The following POLE4 variants were observed in gnomAD, a reference collection of about 807,000 sequenced individuals.
POLE4 encodes DNA polymerase epsilon subunit 4.
A neutral mutation model predicts 15.6 loss-of-function variants in POLE4; 15 were observed. The ratio of observed to expected loss-of-function variants is 0.96; its 90% CI spans 0.64 to 1.48. POLE4 has a LOEUF of 1.48. POLE4 is among the 40% of genes most tolerant of loss of function. POLE4 has a pLI of 0.00. For missense variants in POLE4, 205 were observed against 151.9 expected (o/e 1.35, Z -1.84); for synonymous variants, 83 against 63.2 (o/e 1.31, Z -1.49).
At chr2:74,967,323 G>GTT (rs951281326) in intron 3 of POLE4, among the ~76,000 whole-genome samples, 1 of 130,188 alleles carries the variant, frequency 7.7e-6, no homozygotes, top group Non-Finnish European at 1.7e-5. Context: ...TATTTTTTTT[G>GTT]TTTTTTTTTT....
chr2:74,963,447 A>C, intron 3 of POLE4, among the ~76,000 whole-genome samples: 1 of 150,364 alleles, frequency 6.7e-6, no homozygotes, highest in East Asian at 1.9e-4. Flanking sequence ...TCTGTTAGCT[A>C]TTTTTGTCCT....
intron 2 of POLE4, 111 bp from the exon 3 acceptor site, chr2:74,959,994 A>C (rs1671192343): frequency 1.2e-6 from 1 of 807,628 alleles, no homozygotes; most frequent in Non-Finnish European, 2.1e-6. Context: ...GCATCTTATA[A>C]ATGCCCTCAT....
rs1192560502 is a variant in POLE4 at position 74,970,064 on chromosome 2, G to T, written c.*642G>T. The T allele has an allele frequency of 4.6e-5, 7 of 152,222 alleles. No homozygotes were observed. Among genetic ancestry groups the T allele is most frequent in the Non-Finnish European group, 7.4e-5 (5 of 68,026 alleles). The allele number at this position is 152,222 out of a possible 1,614,324, so 9.4% of individuals were successfully genotyped here. Reference sequence around the variant, plus strand: ...TGGTATTTAGTATATTCACAAATATGTACACCAGTCATCACAGTCGATTTT... The same window carrying T: ...TGGTATTTAGTATATTCACAAATATTTACACCAGTCATCACAGTCGATTTT... On this transcript the variant is annotated 3_prime_UTR_variant, in exon 4 of 4. Coordinates refer to ENST00000483063, the MANE Select transcript of POLE4 (RefSeq NM_019896.4).
At chr2:74,969,061 A>G (rs1230578962) in intron 3 of POLE4, among the ~76,000 whole-genome samples, 1 of 152,192 alleles carries the variant, frequency 6.6e-6, no homozygotes, top group Non-Finnish European at 1.5e-5. Flanking sequence ...GAAACTTTCT[A>G]AAAAGATTAT....
At chr2:74,960,929 A>G (rs1285634549) in intron 3 of POLE4, 1 of 235,934 alleles carries the variant, frequency 4.2e-6, no homozygotes, top group African/African-American at 2.2e-5. Flanking sequence ...ACAGTTGCCT[A>G]CAGTATTCAG....
chr2:74,968,910 C>G (rs1671328263), intron 3 of POLE4, among the ~76,000 whole-genome samples: 1 of 151,942 alleles, frequency 6.6e-6, no homozygotes, highest in South Asian at 2.1e-4. Context: ...TTCTGTTACT[C>G]AGTTTTTTGT....
rs1043969759 is a variant in POLE4, at chr2:74,958,708, G to A, written c.29G>A (p.Gly10Glu). MAAAAAAGSGTPREEEGPAG... is the reference protein window; with the variant it reads MAAAAAAGSETPREEEGPAG... ...GCGGCGGCGGCGGCGGCAGGAAGCG[G>A]GACGCCCCGAGAGGAGGAGGGACCT... Residue 10 changes from glycine to glutamate, a missense_variant, in exon 1 of 4, where the codon GGG (glycine) becomes GAG (glutamate). Physicochemically the swap from Gly to Glu is moderately conservative, Grantham distance 98. Coordinates refer to ENST00000483063, the MANE Select transcript of POLE4 (RefSeq NM_019896.4). The A allele has an allele frequency of 5.4e-6, 8 of 1,482,580 alleles. No homozygotes were observed. In the Admixed American group the frequency reaches 8.3e-5, roughly 15 times the overall value. 91.8% of individuals were successfully genotyped at this position (1,482,580 alleles called of 1,614,324 possible).
intron 3 of POLE4, among the ~76,000 whole-genome samples, chr2:74,968,977 C>T (rs893723964): frequency 6.6e-6 from 1 of 152,004 alleles, no homozygotes; most frequent in Non-Finnish European, 1.5e-5. Context: ...ACTTTTTAAA[C>T]TTTTTTACCT....
At chr2:74,968,179 C>G (rs576876029) in intron 3 of POLE4, among the ~76,000 whole-genome samples, 1 of 152,078 alleles carries the variant, frequency 6.6e-6, no homozygotes, top group Non-Finnish European at 1.5e-5. Context: ...ATTTCCTTTT[C>G]TTATATATTT....
Position 74,970,065 on chromosome 2 carries a change from T to C in POLE4, c.*643T>C, listed in dbSNP as rs1671350467. The C allele has an allele frequency of 6.6e-6, 1 of 152,260 alleles. No individual in the cohort carries two copies. The highest frequency in any genetic ancestry group is 2.1e-4 in the South Asian group (1 of 4,836). The allele number at this position is 152,260 out of a possible 1,614,324, so 9.4% of individuals were successfully genotyped here. A position where few individuals can be genotyped will look rare whatever the true frequency, so the allele number is the denominator to read the frequency against. ...GGTATTTAGTATATTCACAAATATGTACACCAGTCATCACAGTCGATTTTA... is the reference window on the plus strand; with the variant it reads ...GGTATTTAGTATATTCACAAATATGCACACCAGTCATCACAGTCGATTTTA... On this transcript the variant is annotated 3_prime_UTR_variant, in exon 4 of 4. Coordinates refer to ENST00000483063, the MANE Select transcript of POLE4 (RefSeq NM_019896.4).
At chr2:74,961,960 C>A (rs1273197505) in intron 3 of POLE4, among the ~76,000 whole-genome samples, 3 of 152,134 alleles carry the variant, frequency 2.0e-5, no homozygotes, top group African/African-American at 7.2e-5. Context: ...AAAATCAAAT[C>A]GTTACCTAAT....
intron 3 of POLE4, among the ~76,000 whole-genome samples, chr2:74,967,625 T>C (rs564953049): frequency 6.6e-6 from 1 of 152,350 alleles, no homozygotes; most frequent in Admixed American, 6.5e-5. Flanking sequence ...CTTGAGACTG[T>C]CTTTTTGTCT....
chr2:74,958,687 C>T lies in POLE4; in HGVS notation c.8C>T (p.Ala3Val), dbSNP rs540587048. Residue 3 changes from alanine to valine, a missense_variant, in exon 1 of 4, where the codon GCG becomes GTG. Coordinates refer to ENST00000483063, the MANE Select transcript of POLE4 (RefSeq NM_019896.4). MA[A>V]AAAAGSGTPR... ...AGCACGCTCAAGGCCGGGATGGCGG[C>T]GGCGGCGGCGGCAGGAAGCGGGACG... 3.4e-6 allele frequency: 5 copies of T among 1,462,668 alleles called. No homozygotes were observed. The South Asian group carries it at 4.1e-5, about 12-fold the overall frequency. 90.6% of individuals were successfully genotyped at this position (1,462,668 alleles called of 1,614,324 possible).
At position 74,958,715 on chromosome 2, in the gene POLE4, C is replaced by G. The variant is rs925518894; in HGVS notation, c.36C>G (p.Pro12=). The part of the protein sequence containing the change: ...AAAAAAGSGT[P]REEEGPAGEA... ...CGGCGGCGGCAGGAAGCGGGACGCC[C>G]CGAGAGGAGGAGGGACCTGCTGGGG... Residue 12 remains proline (P), a synonymous_variant, in exon 1 of 4, where the codon CCC becomes CCG. Coordinates refer to ENST00000483063, the MANE Select transcript of POLE4 (RefSeq NM_019896.4). 1.5e-5 allele frequency: 22 copies of G among 1,494,570 alleles called. No homozygotes were observed. The highest frequency in any genetic ancestry group is 3.6e-4 in the Middle Eastern group (2 of 5,584). 92.6% of individuals were successfully genotyped at this position (1,494,570 alleles called of 1,614,324 possible).
chr2:74,969,712 A>G lies in POLE4; in HGVS notation c.*290A>G. ...CTTCCTGAATGATGAGGACCAGAAT[A>G]AAGGTTTTTGATCAACCTCAGTCCA... On this transcript the variant is annotated 3_prime_UTR_variant, in exon 4 of 4. Coordinates refer to ENST00000483063, the MANE Select transcript of POLE4 (RefSeq NM_019896.4). The G allele has an allele frequency of 2.2e-6, 1 of 464,970 alleles. No individual in the cohort carries two copies. Among genetic ancestry groups the G allele is most frequent in the Admixed American group, 3.3e-5 (1 of 30,440 alleles). The allele number at this position is 464,970 out of a possible 1,614,324, so 28.8% of individuals were successfully genotyped here.
At chr2:74,959,473 T>A (rs571209047) in intron 2 of POLE4, 48 bp downstream of exon 2, 1 of 1,240,152 alleles carries the variant, frequency 8.1e-7, no homozygotes, top group African/African-American at 1.5e-5. Flanking sequence ...AGGGCTGGGC[T>A]GGTTTCCCCT....
At chr2:74,959,715 A>T (rs1472138908) in intron 2 of POLE4, 12 of 415,976 alleles carry the variant, frequency 2.9e-5, no homozygotes, top group Non-Finnish European at 5.2e-5. Context: ...GCAACTGGGG[A>T]TTTGATTTCT....
At chr2:74,960,275 A>G (rs913741913) in intron 3 of POLE4, 129 bp downstream of exon 3, 2 of 814,544 alleles carry the variant, frequency 2.5e-6, no homozygotes, top group African/African-American at 3.4e-5. Flanking sequence ...TGCTATTAGG[A>G]TAGAAAAAAG....
At chr2:74,959,494 G>T in intron 2 of POLE4, 69 bp downstream of exon 2, 1 of 985,406 alleles carries the variant, frequency 1.0e-6, no homozygotes, top group South Asian at 1.4e-5. Context: ...TGTGCAGGTT[G>T]AGAAGACGTC....
Sources: gnomAD v4.1 joint callset for allele counts (sites outside exome capture counted in the v4.1 genomes callset) on GRCh38, gnomAD v4.1.1 for gene constraint, MANE v1.5 for transcripts, NCBI Gene and HGNC (gene_info 2026-07-23, HGNC 2026-07-21) for gene names.